SLC67A2: variants seen among roughly 807,000 people sequenced by gnomAD.
SLC67A2 encodes solute carrier family 67 member 2.
chr2:102,733,177 A>G, the SLC67A2 span, among the ~76,000 whole-genome samples: 1 of 152,178 alleles, frequency 6.6e-6, no homozygotes, highest in East Asian at 1.9e-4. Flanking sequence ...AGGTATTCTG[A>G]GTTAATAGAC....
At chr2:102,723,612 A>G in the SLC67A2 span, 2 of 1,330,370 alleles carry the variant, frequency 1.5e-6, no homozygotes, top group Non-Finnish European at 2.1e-6. Context: ...CTATTCTGAT[A>G]AAAACGAATT....
chr2:102,725,990 G>C, the SLC67A2 span, among the ~76,000 whole-genome samples: 2 of 152,128 alleles, frequency 1.3e-5, no homozygotes, highest in African/African-American at 2.4e-5. Flanking sequence ...TCCTAAGAAC[G>C]GCAAAGAGAG....
At chr2:102,727,174 A>T in the SLC67A2 span, among the ~76,000 whole-genome samples, 1 of 146,860 alleles carries the variant, frequency 6.8e-6, no homozygotes, top group African/African-American at 2.5e-5. Flanking sequence ...AACACAATGT[A>T]TTTTTTTTTT....
At chr2:102,721,549 C>T in the SLC67A2 span, among the ~76,000 whole-genome samples, 2 of 152,108 alleles carry the variant, frequency 1.3e-5, no homozygotes, top group Non-Finnish European at 2.9e-5. Context: ...AGCATGAATT[C>T]TCGTTTATGA....
At chr2:102,726,758 G>T in the SLC67A2 span, 1 of 1,506,698 alleles carries the variant, frequency 6.6e-7, no homozygotes, top group Admixed American at 2.2e-5. Context: ...GACCACAGAG[G>T]TGGCCCAGGA....
the SLC67A2 span, among the ~76,000 whole-genome samples, chr2:102,734,543 C>CA: frequency 0.23 from 34,571 of 150,558 alleles, 3,927 homozygotes; most frequent in Middle Eastern, 0.28. Flanking sequence ...CTAAATATGT[C>CA]AAAAAAAAAC....
At chr2:102,731,140 T>A in the SLC67A2 span, 126 of 1,306,752 alleles carry the variant, frequency 9.6e-5, no homozygotes, top group Middle Eastern at 2.2e-3. Context: ...TGATAACAAT[T>A]ACACAGAAAC....
the SLC67A2 span, among the ~76,000 whole-genome samples, chr2:102,719,748 G>A: frequency 1.3e-5 from 2 of 152,202 alleles, no homozygotes; most frequent in Non-Finnish European, 2.9e-5. Context: ...CAACCAGACT[G>A]CAATATAAGG....
At chr2:102,730,359 T>C in the SLC67A2 span, among the ~76,000 whole-genome samples, 1 of 148,960 alleles carries the variant, frequency 6.7e-6, no homozygotes, top group Non-Finnish European at 1.5e-5. Flanking sequence ...CACCTCTGGA[T>C]CTTTCTACTC....
At chr2:102,716,385 G>A in the SLC67A2 span, 2 of 152,072 alleles carry the variant, frequency 1.3e-5, no homozygotes, top group African/African-American at 2.4e-5. Flanking sequence ...ATAAACCCTC[G>A]ATTATTTATT....
the SLC67A2 span, among the ~76,000 whole-genome samples, chr2:102,728,627 A>G: frequency 6.6e-6 from 1 of 152,004 alleles, no homozygotes; most frequent in East Asian, 1.9e-4. Context: ...TACTCTTTTG[A>G]TCTGGGGAAA....
the SLC67A2 span, chr2:102,719,082 G>A: frequency 5.2e-5 from 84 of 1,614,184 alleles, no homozygotes; most frequent in Admixed American, 6.3e-4. Context: ...CTGGCTCTGC[G>A]GCTGGTGGCT....
chr2:102,720,644 C>T, the SLC67A2 span, among the ~76,000 whole-genome samples: 6 of 152,160 alleles, frequency 3.9e-5, no homozygotes, highest in Non-Finnish European at 8.8e-5. Flanking sequence ...TGTTTTGTTA[C>T]CCCATTTTAT....
chr2:102,715,877 TC>T, the SLC67A2 span: 1 of 152,106 alleles, frequency 6.6e-6, no homozygotes, highest in Non-Finnish European at 1.5e-5. Flanking sequence ...GAGATTATAT[TC>T]CATAAGTGAT....
the SLC67A2 span, chr2:102,716,231 A>G: frequency 6.6e-6 from 1 of 152,158 alleles, no homozygotes; most frequent in Non-Finnish European, 1.5e-5. Flanking sequence ...CATTAAGTTT[A>G]TGGGCTTTTT....
the SLC67A2 span, chr2:102,719,181 C>T: frequency 1.2e-6 from 2 of 1,613,372 alleles, no homozygotes; most frequent in Non-Finnish European, 1.7e-6. Context: ...GGTTTTGCTT[C>T]CCTCCATGGA....
the SLC67A2 span, chr2:102,719,275 G>C: frequency 6.8e-6 from 10 of 1,469,486 alleles, no homozygotes; most frequent in Non-Finnish European, 1.8e-6. Context: ...CCTCCTTGGG[G>C]AAGGGCCAAT....
At chr2:102,723,607 C>T in the SLC67A2 span, 1 of 1,278,842 alleles carries the variant, frequency 7.8e-7, no homozygotes, top group South Asian at 1.3e-5. Flanking sequence ...TCTGTCTATT[C>T]TGATAAAAAC....
the SLC67A2 span, chr2:102,717,601 G>C: frequency 6.6e-6 from 1 of 152,424 alleles, no homozygotes; most frequent in East Asian, 1.9e-4. Flanking sequence ...CAGGTCCCAG[G>C]GGCCCGCTGC....
Sources: allele counts gnomAD v4.1 joint callset (sites outside exome capture counted in the v4.1 genomes callset), GRCh38; gene constraint gnomAD v4.1.1; transcripts MANE v1.5; gene names NCBI Gene and HGNC (gene_info 2026-07-23, HGNC 2026-07-21).